DGKH: variants seen among roughly 807,000 people sequenced by gnomAD.
DGKH encodes diacylglycerol kinase eta.
Under a neutral mutation model 159.3 loss-of-function variants are expected in DGKH, and 90 were observed. The observed-to-expected ratio is 0.57, with a 90% confidence interval of 0.48 to 0.67. DGKH has a LOEUF of 0.67. Ranked by LOEUF, DGKH falls within the 30% of genes least tolerant of loss-of-function variation. The pLI is 0.00. For missense variants in DGKH, 1,181 were observed against 1,506.1 expected, an observed-to-expected ratio of 0.78 and a Z score of 3.57; for synonymous variants, 536 against 553.8, an observed-to-expected ratio of 0.97 and a Z score of 0.45.
chr13:42,092,560 TAGAG>T (rs1954440083), intron 1 of DGKH, among the ~76,000 whole-genome samples: 1 of 151,934 alleles, frequency 6.6e-6, no homozygotes, highest in African/African-American at 2.4e-5. Flanking sequence ...CTTATTGAGA[TAGAG>T]AGTGGAATGG....
chr13:42,251,059 C>T (rs1958616642), intron 29 of DGKH, among the ~76,000 whole-genome samples: 1 of 152,080 alleles, frequency 6.6e-6, no homozygotes, highest in Non-Finnish European at 1.5e-5. Context: ...TATCTTGATA[C>T]AGACTTTATA....
chr13:42,225,457 C>A, intron 29 of DGKH: 1 of 929,520 alleles, frequency 1.1e-6, no homozygotes, highest in Non-Finnish European at 1.5e-6. Context: ...GACTGTTTAT[C>A]CAGGGAAAGA....
In DGKH at chr13:42,114,955, T is replaced by C. The variant is rs567190034; in HGVS notation, c.193-12508T>C. 3.1e-4 allele frequency among the ~76,000 whole-genome samples: 47 copies of C among 152,348 alleles called. No individual in the cohort carries two copies. The Middle Eastern group carries it at 0.01, about 33-fold the overall frequency. The stretch of plus-strand genomic sequence containing the variant: ...TGATACTTCATAGCATTTCGGAGTT[T>C]ACAGGAGATATTTGCTTATCATTTT... On this transcript the variant is annotated intron_variant, in intron 1 of 29. Coordinates refer to ENST00000337343, the MANE Select transcript of DGKH (RefSeq NM_178009.5).
intron 20 of DGKH, among the ~76,000 whole-genome samples, chr13:42,204,050 T>G (rs1158667607): frequency 1.3e-5 from 2 of 152,186 alleles, no homozygotes; most frequent in African/African-American, 4.8e-5. Flanking sequence ...AATATATATA[T>G]ATTCACTTCA....
chr13:42,245,229 T>C (rs996768052), downstream of DGKH, among the ~76,000 whole-genome samples: 2 of 152,170 alleles, frequency 1.3e-5, no homozygotes, highest in African/African-American at 4.8e-5. Flanking sequence ...GAGATCTCCT[T>C]TGATAGAGAG....
At chr13:42,149,155 C>G (rs1955815465) in intron 3 of DGKH, among the ~76,000 whole-genome samples, 1 of 152,072 alleles carries the variant, frequency 6.6e-6, no homozygotes, top group African/African-American at 2.4e-5. Context: ...TCTCAAACTT[C>G]TGGCCTCAAG....
chr13:42,161,430 T>TG (rs1292463910), intron 7 of DGKH, among the ~76,000 whole-genome samples: 1 of 151,962 alleles, frequency 6.6e-6, no homozygotes, highest in Non-Finnish European at 1.5e-5. Context: ...GGGCGGATCA[T>TG]GGGGTCAGGA....
intron 16 of DGKH, among the ~76,000 whole-genome samples, chr13:42,191,718 T>A (rs1010071226): frequency 1.3e-5 from 2 of 152,098 alleles, no homozygotes; most frequent in Admixed American, 1.3e-4. Flanking sequence ...ATGAAAAAAA[T>A]TAGATAGTAG....
At chr13:42,210,046 G>A (rs889267627) in intron 23 of DGKH, among the ~76,000 whole-genome samples, 4 of 111,386 alleles carry the variant, frequency 3.6e-5, no homozygotes, top group African/African-American at 1.4e-4. Context: ...TGCAGAATAT[G>A]TTTTTAATTA....
At chr13:42,149,120 G>C (rs1955814568) in intron 3 of DGKH, among the ~76,000 whole-genome samples, 1 of 151,702 alleles carries the variant, frequency 6.6e-6, no homozygotes, top group Non-Finnish European at 1.5e-5. Context: ...GTAGAGATGG[G>C]GCCTTGTGAT....
chr13:42,223,739 C>T (rs1025011163), intron 29 of DGKH, among the ~76,000 whole-genome samples: 6 of 151,210 alleles, frequency 4.0e-5, no homozygotes, highest in African/African-American at 9.7e-5. Context: ...CCAGCTTGGG[C>T]GACAGAGCAA....
In DGKH at chr13:42,204,178, A is replaced by G. The variant is rs1957408373; in HGVS notation, c.2494-1861A>G. Among the ~76,000 whole-genome samples, 3 of 152,236 alleles carry G rather than the reference A, an allele frequency of 2.0e-5. No homozygotes were observed. In the East Asian group the frequency reaches 5.8e-4, roughly 29 times the overall value. On this transcript the variant is annotated intron_variant, in intron 20 of 29. Transcript: ENST00000337343. Reference sequence around the variant, plus strand: ...ATATTTCTTTTATATTTACAGAGATAGTATTTTTCCCCATTTCCTTTGTTA... The same window carrying G: ...ATATTTCTTTTATATTTACAGAGATGGTATTTTTCCCCATTTCCTTTGTTA...
intron 29 of DGKH, among the ~76,000 whole-genome samples, chr13:42,248,248 C>G (rs1958595694): frequency 6.6e-6 from 1 of 151,902 alleles, no homozygotes; most frequent in Admixed American, 6.6e-5. Context: ...ATAGTGAAAC[C>G]CTGTGTCTAC....
intron 1 of DGKH, among the ~76,000 whole-genome samples, chr13:42,076,152 C>T (rs763829280): frequency 2.0e-5 from 3 of 151,810 alleles, no homozygotes; most frequent in African/African-American, 2.4e-5. Flanking sequence ...TTAAAAAAAC[C>T]GAAGTCTGTA....
At chr13:42,185,479 C>T (rs957967238) in intron 13 of DGKH, among the ~76,000 whole-genome samples, 5 of 152,150 alleles carry the variant, frequency 3.3e-5, no homozygotes, top group Non-Finnish European at 7.4e-5. Flanking sequence ...CTGAAGGGCT[C>T]TGTCTCTAGG....
chr13:42,042,064 T>C (rs1463224938), intron 1 of DGKH, among the ~76,000 whole-genome samples: 2 of 152,262 alleles, frequency 1.3e-5, no homozygotes, highest in Non-Finnish European at 2.9e-5. Context: ...GAAGCGTCCT[T>C]CGACTCTGAT....
intron 1 of DGKH, among the ~76,000 whole-genome samples, chr13:42,120,396 G>A (rs1319027869): frequency 6.6e-6 from 1 of 152,078 alleles, no homozygotes; most frequent in Non-Finnish European, 1.5e-5. Context: ...TTTTCAAATT[G>A]AATAAATAAG....
In DGKH at chr13:42,241,920, CTTTATT is replaced by C. The variant is rs1201384425; in HGVS notation, c.*12733_*12738del. 10 of 152,120 alleles carry C rather than the reference CTTTATT, an allele frequency of 6.6e-5. No individual in the cohort carries two copies. Among genetic ancestry groups the C allele is most frequent in the Admixed American group, 6.5e-4 (10 of 15,274 alleles). 9.4% of individuals were successfully genotyped at this position (152,120 alleles called of 1,614,324 possible). ...CTTCATGAGAAGGAAAAAACTGTAT[CTTTATT>C]GTCAGTAAGTGTGGAAAAAAACCCG... On this transcript the variant is annotated 3_prime_UTR_variant, in exon 30 of 30. Coordinates refer to ENST00000337343, the MANE Select transcript of DGKH (RefSeq NM_178009.5).
intron 29 of DGKH, 148 bp from the exon 30 acceptor site, chr13:42,228,951 A>C: frequency 1.6e-6 from 1 of 638,758 alleles, no homozygotes; most frequent in Non-Finnish European, 2.6e-6. Context: ...ACTGAATGCT[A>C]ATTATGTTTC....
Sources: allele counts gnomAD v4.1 joint callset (sites outside exome capture counted in the v4.1 genomes callset), GRCh38; gene constraint gnomAD v4.1.1; transcripts MANE v1.5; gene names NCBI Gene and HGNC (gene_info 2026-07-23, HGNC 2026-07-21).